Variants in MMUT observed in about 807,000 individuals in gnomAD.
MMUT encodes methylmalonyl-CoA mutase.
A neutral mutation model predicts 79.9 loss-of-function variants in MMUT; 79 were observed. The observed-to-expected ratio is 0.99, with a 90% CI of 0.82 to 1.19. MMUT has a LOEUF of 1.19. Ranked by LOEUF, MMUT falls within the 50% of genes most tolerant of loss-of-function variation. The pLI, the probability that MMUT is intolerant of heterozygous loss-of-function variation, is 0.00. For synonymous variants in MMUT, 273 were observed against 295.7 expected (o/e 0.92, Z 0.79); for missense variants, 860 against 917.2 (o/e 0.94, Z 0.81).
In MMUT at chr6:49,451,498, G is replaced by C; in HGVS notation, c.1300C>G (p.Leu434Val). 1 of 1,614,086 alleles carries C rather than the reference G, an allele frequency of 6.2e-7. No homozygotes were observed. Among genetic ancestry groups the C allele is most frequent in the Non-Finnish European group, 8.5e-7 (1 of 1,180,010 alleles). Residue 434 changes from leucine (L) to valine (V), a missense_variant, in exon 6 of 13, where the codon CTC (leucine) becomes GTC (valine). Physicochemically the swap from Leu to Val is conservative, Grantham distance 32 (BLOSUM62 1). Coordinates refer to ENST00000274813, the MANE Select transcript of MMUT (RefSeq NM_000255.4). The stretch of plus-strand genomic sequence containing the variant: ...GCAGCATCATAAACATCATTTGTGA[G>C]ACATTCCATCATGTAAGAACCTCCC... ...PWGGSYMMEC[L>V]TNDVYDAALK... is the part of the protein sequence containing the mutation.
At chr6:49,445,624 T>C (rs1767393096) in intron 8 of MMUT, among the ~76,000 whole-genome samples, 1 of 152,102 alleles carries the variant, frequency 6.6e-6, no homozygotes, top group African/African-American at 2.4e-5. Flanking sequence ...AAATCATCTC[T>C]AGATTACTTA....
chr6:49,431,997 C>A (rs1387704638), intron 12 of MMUT, 141 bp from the exon 13 acceptor site: 2 of 942,662 alleles, frequency 2.1e-6, no homozygotes, highest in East Asian at 5.3e-5. Flanking sequence ...CTAAAAAATT[C>A]TTCCTTGATT....
At chr6:49,434,544 C>T (rs186490904) in intron 12 of MMUT, among the ~76,000 whole-genome samples, 109 of 152,190 alleles carry the variant, frequency 7.2e-4, no homozygotes, top group Non-Finnish European at 8.4e-4. Context: ...CATTTACTTA[C>T]GACAGCTTCA....
chr6:49,447,090 A>C (rs2127416607), intron 8 of MMUT, among the ~76,000 whole-genome samples: 1 of 152,040 alleles, frequency 6.6e-6, no homozygotes, highest in Non-Finnish European at 1.5e-5. Flanking sequence ...ACTCAGTGAC[A>C]AACTAAAAAT....
Position 49,431,601 on chromosome 6 carries a change from T to C in MMUT, c.*127A>G. 9.8e-7 allele frequency: 1 copy of C among 1,016,524 alleles called. No homozygotes were observed. Among genetic ancestry groups the C allele is most frequent in the South Asian group, 1.5e-5 (1 of 68,734 alleles). 63.0% of individuals were successfully genotyped at this position (1,016,524 alleles called of 1,614,324 possible). On this transcript the variant is annotated 3_prime_UTR_variant, in exon 13 of 13. Transcript: ENST00000274813. ...ACACCAGGCCTATAAGTAAGGTATT[T>C]TAAAGTAAAGCTTTCAAGGAAAGTA...
chr6:49,460,815 T>C (rs1273584287), intron 1 of MMUT, among the ~76,000 whole-genome samples: 1 of 152,224 alleles, frequency 6.6e-6, no homozygotes. Flanking sequence ...ATGAAATCAA[T>C]ACTCAACACT....
intron 5 of MMUT, among the ~76,000 whole-genome samples, chr6:49,452,728 C>T (rs1397586332): frequency 1.3e-5 from 2 of 152,130 alleles, no homozygotes; most frequent in Admixed American, 1.3e-4. Context: ...TGTAACTTTG[C>T]ACATATAAAT....
In MMUT at chr6:49,461,762, C is replaced by T. The variant is rs543386373; in HGVS notation, c.-40+1341G>A. Among the ~76,000 whole-genome samples the T allele has an allele frequency of 5.9e-5, 9 of 152,226 alleles. No homozygotes were observed. The East Asian group carries it at 1.7e-3, about 29-fold the overall frequency. On this transcript the variant is annotated intron_variant, in intron 1 of 12. Coordinates refer to ENST00000274813, the MANE Select transcript of MMUT (RefSeq NM_000255.4). ...CCAACCTGGGCAACAGAGAGAGACC[C>T]CGTCTCAAAACAAAACAAAAAAACC...
intron 9 of MMUT, 81 bp downstream of exon 9, chr6:49,444,558 A>G: frequency 2.7e-6 from 3 of 1,116,910 alleles, no homozygotes; most frequent in Non-Finnish European, 4.1e-6. Flanking sequence ...TACAGGATCA[A>G]CCTTTTATTT....
At chr6:49,450,135 A>C (rs527792384) in intron 6 of MMUT, among the ~76,000 whole-genome samples, 10 of 151,568 alleles carry the variant, frequency 6.6e-5, no homozygotes, top group African/African-American at 2.4e-4. Context: ...GGAGGCTGAG[A>C]CAGGAGAATC....
chr6:49,451,728 T>C lies in MMUT; in HGVS notation c.1084-14A>G. The stretch of plus-strand genomic sequence containing the variant: ...ATTGTAGGGATCCTAAAATATTTGA[T>C]AAAAAACAAAAACTCAAAGAAACAG... On this transcript the variant is annotated splice_polypyrimidine_tract_variant and intron_variant, in intron 5 of 12. Transcript: ENST00000274813. 6.2e-7 allele frequency: 1 copy of C among 1,612,676 alleles called. No homozygotes were observed. Among genetic ancestry groups the C allele is most frequent in the Non-Finnish European group, 8.5e-7 (1 of 1,179,076 alleles).
chr6:49,450,585 T>G (rs988895372), intron 6 of MMUT, among the ~76,000 whole-genome samples: 6 of 152,088 alleles, frequency 3.9e-5, no homozygotes, highest in Non-Finnish European at 8.8e-5. Flanking sequence ...AAATCTAGAA[T>G]AAAAAACAGA....
intron 12 of MMUT, among the ~76,000 whole-genome samples, chr6:49,433,158 TAC>T (rs1429995393): frequency 6.6e-6 from 1 of 152,232 alleles, no homozygotes; most frequent in East Asian, 1.9e-4. Context: ...GAGTAGATGA[TAC>T]AGAGTTTAAG....
At chr6:49,446,268 T>A (rs1767408238) in intron 8 of MMUT, among the ~76,000 whole-genome samples, 1 of 151,732 alleles carries the variant, frequency 6.6e-6, no homozygotes, top group Admixed American at 6.6e-5. Context: ...AAACCATAGG[T>A]AAAAGGAAAG....
intron 12 of MMUT, among the ~76,000 whole-genome samples, chr6:49,433,469 G>A (rs966754920): frequency 1.3e-5 from 2 of 152,260 alleles, no homozygotes; most frequent in African/African-American, 4.8e-5. Context: ...CAACTTATCT[G>A]TTAGTTTGAA....
intron 8 of MMUT, among the ~76,000 whole-genome samples, chr6:49,446,225 A>T (rs919646491): frequency 6.6e-6 from 1 of 151,958 alleles, no homozygotes; most frequent in Non-Finnish European, 1.5e-5. Flanking sequence ...TCACATTTTT[A>T]AAAAAATTAC....
rs1767445217 is a variant in MMUT, at chr6:49,447,739, T to C, written c.1491A>G (p.Glu497=). The C allele has an allele frequency of 6.2e-7, 1 of 1,612,306 alleles. No homozygotes were observed. Among genetic ancestry groups the C allele is most frequent in the African/African-American group, 1.3e-5 (1 of 74,980 alleles). Residue 497 remains glutamate (E), a synonymous_variant, in exon 8 of 13, where the codon GAA becomes GAG. Transcript: ENST00000274813. The part of the protein sequence containing the change: ...VGVNKYQLEK[E]DAVEVLAIDN... ...CAATTGCCAGAACTTCTACAGCGTCTTCTTTTTCCAACTGGTACTTATTTA... is the reference window on the plus strand; with the variant it reads ...CAATTGCCAGAACTTCTACAGCGTCCTCTTTTTCCAACTGGTACTTATTTA...
intron 8 of MMUT, among the ~76,000 whole-genome samples, chr6:49,445,493 T>C (rs1306162799): frequency 2.0e-5 from 3 of 152,050 alleles, no homozygotes; most frequent in African/African-American, 7.2e-5. Context: ...CTGTGAGTGA[T>C]TGGTTTCATG....
chr6:49,462,708 C>A (rs1767885806), intron 1 of MMUT, among the ~76,000 whole-genome samples: 1 of 152,168 alleles, frequency 6.6e-6, no homozygotes, highest in Non-Finnish European at 1.5e-5. Context: ...AAAACCCTGA[C>A]AATAACATAA....
Sources: allele counts gnomAD v4.1 joint callset (sites outside exome capture counted in the v4.1 genomes callset), GRCh38; gene constraint gnomAD v4.1.1; transcripts MANE v1.5; gene names NCBI Gene and HGNC (gene_info 2026-07-23, HGNC 2026-07-21).